Variants in CACNA1C observed in about 807,000 individuals in gnomAD.
The protein encoded by CACNA1C is calcium voltage-gated channel subunit alpha1 C.
In CACNA1C, 30 loss-of-function variants were observed where a neutral mutation model predicts 229.0. The ratio of observed to expected loss-of-function variants is 0.13; its 90% CI spans 0.10 to 0.18. CACNA1C has a LOEUF of 0.18. CACNA1C is among the 10% of genes least tolerant of loss of function. The probability of loss-of-function intolerance (pLI) is 1.00; values close to 1 mark genes in which losing one functional copy is unlikely to be tolerated. For missense variants in CACNA1C, 1,658 were observed against 2,845.0 expected (o/e 0.58, Z 9.49); for synonymous variants, 1,114 against 1,132.5 (o/e 0.98, Z 0.33).
At chr12:2,373,274 T>C (rs941546105) in intron 3 of CACNA1C, among the ~76,000 whole-genome samples, 1 of 152,234 alleles carries the variant, frequency 6.6e-6, no homozygotes, top group Non-Finnish European at 1.5e-5. Flanking sequence ...AGCTTCTCCA[T>C]GTGGCAGGCT....
intron 1 of CACNA1C, among the ~76,000 whole-genome samples, chr12:2,110,615 C>G: frequency 6.6e-6 from 1 of 152,326 alleles, no homozygotes; most frequent in South Asian, 2.1e-4. Flanking sequence ...CATGGCACCA[C>G]TCTGGATTCA....
At chr12:2,672,557 G>T (rs1315664925) in intron 38 of CACNA1C, among the ~76,000 whole-genome samples, 1 of 152,066 alleles carries the variant, frequency 6.6e-6, no homozygotes, top group African/African-American at 2.4e-5. Context: ...AGATTCTGAG[G>T]GCTGTGGATG....
chr12:2,392,003 T>C (rs1036594379), intron 3 of CACNA1C, among the ~76,000 whole-genome samples: 3 of 152,240 alleles, frequency 2.0e-5, no homozygotes, highest in African/African-American at 7.2e-5. Context: ...TGTTTTAAAC[T>C]CTGCGTTTCA....
chr12:2,321,814 G>A (rs1268419579), intron 3 of CACNA1C, among the ~76,000 whole-genome samples: 3 of 152,202 alleles, frequency 2.0e-5, no homozygotes, highest in African/African-American at 7.2e-5. Context: ...CAAAGTCCTT[G>A]GGGCAGGAAT....
At chr12:2,091,527 T>C (rs1469952984) in intron 1 of CACNA1C, among the ~76,000 whole-genome samples, 2 of 152,206 alleles carry the variant, frequency 1.3e-5, no homozygotes, top group Admixed American at 1.3e-4. Flanking sequence ...CTCCTCTACC[T>C]GCAAAGAGAA....
chr12:2,572,084 C>T (rs2154593716), intron 13 of CACNA1C, among the ~76,000 whole-genome samples: 1 of 137,600 alleles, frequency 7.3e-6, no homozygotes, highest in South Asian at 2.3e-4. Flanking sequence ...CCAGTAATTG[C>T]AATTCTTAAA....
At chr12:2,408,436 C>T (rs1417232166) in intron 3 of CACNA1C, among the ~76,000 whole-genome samples, 3 of 151,166 alleles carry the variant, frequency 2.0e-5, no homozygotes, top group Non-Finnish European at 4.4e-5. Flanking sequence ...AAGTCTGGGT[C>T]TTGCTAGACT....
intron 3 of CACNA1C, among the ~76,000 whole-genome samples, chr12:2,443,401 G>A (rs1244441496): frequency 2.0e-5 from 3 of 152,170 alleles, no homozygotes; most frequent in Non-Finnish European, 4.4e-5. Context: ...CAAGGCCTTG[G>A]GTATGGCCCA....
chr12:2,400,698 T>C (rs887583434), intron 3 of CACNA1C, among the ~76,000 whole-genome samples: 1 of 152,152 alleles, frequency 6.6e-6, no homozygotes, highest in Non-Finnish European at 1.5e-5. Context: ...TTCCCTCTTA[T>C]TTATCCATCT....
At chr12:2,626,735 G>C (rs2086847826) in intron 29 of CACNA1C, among the ~76,000 whole-genome samples, 1 of 152,084 alleles carries the variant, frequency 6.6e-6, no homozygotes, top group African/African-American at 2.4e-5. Context: ...CAGAAAAAGA[G>C]CCTCCTGAGA....
chr12:2,337,912 G>T (rs949447259), intron 3 of CACNA1C, among the ~76,000 whole-genome samples: 1 of 152,132 alleles, frequency 6.6e-6, no homozygotes, highest in Non-Finnish European at 1.5e-5. Flanking sequence ...TTTGCCTCTG[G>T]TCTCAGCCCC....
In CACNA1C at chr12:2,592,320, A is replaced by G. The variant is rs1411693308; in HGVS notation, c.2531-893A>G. Among the ~76,000 whole-genome samples, 6 of 152,352 alleles carry G rather than the reference A, an allele frequency of 3.9e-5. No homozygotes were observed. In the South Asian group the frequency reaches 1.2e-3, roughly 32 times the overall value. On this transcript the variant is annotated intron_variant, in intron 18 of 46. Transcript: ENST00000399655. Reference sequence around the variant, plus strand: ...TGTGCCAGGCACCGTTCTGAGGTATAGAGGTACTGTTATTATTATTCCACC... The same window carrying G: ...TGTGCCAGGCACCGTTCTGAGGTATGGAGGTACTGTTATTATTATTCCACC...
At chr12:2,624,413 G>A (rs2085115178) in intron 29 of CACNA1C, among the ~76,000 whole-genome samples, 1 of 152,212 alleles carries the variant, frequency 6.6e-6, no homozygotes, top group South Asian at 2.1e-4. Flanking sequence ...CTGATAGTGG[G>A]GGAGTCTTCA....
intron 9 of CACNA1C, among the ~76,000 whole-genome samples, chr12:2,515,919 T>G (rs2099795772): frequency 1.3e-5 from 2 of 152,138 alleles, no homozygotes; most frequent in Admixed American, 1.3e-4. Flanking sequence ...ACATGAAAGG[T>G]CTGCTCTCTG....
chr12:2,264,220 G>A (rs1442354242), intron 3 of CACNA1C, among the ~76,000 whole-genome samples: 1 of 152,208 alleles, frequency 6.6e-6, no homozygotes, highest in Non-Finnish European at 1.5e-5. Context: ...TGCCTCCTAA[G>A]CCTGGGGATG....
chr12:2,361,538 G>A (rs768163257), intron 3 of CACNA1C, among the ~76,000 whole-genome samples: 7 of 151,740 alleles, frequency 4.6e-5, no homozygotes, highest in Admixed American at 3.9e-4. Context: ...CCTTCCCAGG[G>A]TGCAGTTGTA....
intron 1 of CACNA1C, among the ~76,000 whole-genome samples, chr12:2,077,134 C>G (rs183322274): frequency 9.6e-4 from 146 of 152,352 alleles, no homozygotes; most frequent in Middle Eastern, 3.4e-3. Context: ...CTAATAGCTG[C>G]ATGTGTGAGT....
intron 1 of CACNA1C, among the ~76,000 whole-genome samples, chr12:2,111,531 G>A (rs1021057454): frequency 6.6e-6 from 1 of 151,680 alleles, no homozygotes; most frequent in Admixed American, 6.6e-5. Flanking sequence ...GCAGGGGGGT[G>A]AGTACAAAGA....
At chr12:2,611,539 G>A (rs904831697) in intron 28 of CACNA1C, among the ~76,000 whole-genome samples, 2 of 152,056 alleles carry the variant, frequency 1.3e-5, no homozygotes, top group Non-Finnish European at 2.9e-5. Flanking sequence ...AGAAGGGAGG[G>A]ATGAGCTGGA....
Sources: allele counts gnomAD v4.1 joint callset (sites outside exome capture counted in the v4.1 genomes callset), GRCh38; gene constraint gnomAD v4.1.1; transcripts MANE v1.5; gene names NCBI Gene and HGNC (gene_info 2026-07-23, HGNC 2026-07-21).